The following GALNT13 variants were observed in gnomAD, a reference collection of about 807,000 sequenced individuals.
GALNT13 encodes UDP-GalNAc:polypeptide N-acetylgalactosaminyltransferase 13.
In GALNT13, 28 loss-of-function variants were observed where a neutral mutation model predicts 64.2. The observed-to-expected ratio is 0.44, with a 90% CI of 0.32 to 0.60. The LOEUF (loss-of-function observed/expected upper bound fraction) is 0.60, where lower values mean the gene tolerates loss of function less well. Among genes scored for constraint, GALNT13 ranks in the 20% least tolerant of loss-of-function variants. The pLI is 0.05. For missense variants in GALNT13, 577 were observed against 669.8 expected (o/e 0.86, Z 1.53); for synonymous variants, 214 against 224.6 (o/e 0.95, Z 0.42).
the GALNT13 span, among the ~76,000 whole-genome samples, chr2:153,557,544 C>G: frequency 6.6e-6 from 1 of 152,168 alleles, no homozygotes; most frequent in Non-Finnish European, 1.5e-5. Flanking sequence ...TTACCAACAT[C>G]GTTTCATTTA....
At chr2:153,728,861 T>A in the GALNT13 span, among the ~76,000 whole-genome samples, 1 of 152,114 alleles carries the variant, frequency 6.6e-6, no homozygotes, top group South Asian at 2.1e-4. Flanking sequence ...TATAAACACC[T>A]CTATGCAAGT....
chr2:154,145,048 TTCTC>T (rs3075862), intron 4 of GALNT13, among the ~76,000 whole-genome samples: 1,191 of 106,638 alleles, frequency 0.011, 13 homozygotes, highest in African/African-American at 0.029. Context: ...ATTTATGTAG[TTCTC>T]TCTCTCTCTC....
At chr2:153,342,492 C>T in the GALNT13 span, among the ~76,000 whole-genome samples, 1 of 152,162 alleles carries the variant, frequency 6.6e-6, no homozygotes, top group Admixed American at 6.5e-5. Flanking sequence ...AATCAAAGTG[C>T]TAGCTATTAA....
the GALNT13 span, among the ~76,000 whole-genome samples, chr2:153,453,092 C>A: frequency 6.6e-6 from 1 of 152,134 alleles, no homozygotes; most frequent in Non-Finnish European, 1.5e-5. Context: ...TAGACCACTA[C>A]CTCTCACCAT....
chr2:153,489,315 T>C, the GALNT13 span, among the ~76,000 whole-genome samples: 1 of 152,206 alleles, frequency 6.6e-6, no homozygotes, highest in Non-Finnish European at 1.5e-5. Context: ...TAAGCATGCT[T>C]TCTTTTTTAA....
intron 9 of GALNT13, among the ~76,000 whole-genome samples, chr2:154,334,495 T>C (rs1220791504): frequency 6.6e-6 from 1 of 152,038 alleles, no homozygotes; most frequent in Admixed American, 6.6e-5. Flanking sequence ...ATAGCTGATG[T>C]GGGTTTTTAG....
At chr2:153,931,736 C>G (rs925944578) in intron 2 of GALNT13, among the ~76,000 whole-genome samples, 21 of 152,092 alleles carry the variant, frequency 1.4e-4, no homozygotes, top group African/African-American at 4.8e-4. Context: ...CAATGTGCTG[C>G]TGGATTCAGT....
chr2:153,678,438 A>C, the GALNT13 span, among the ~76,000 whole-genome samples: 1 of 152,080 alleles, frequency 6.6e-6, no homozygotes, highest in African/African-American at 2.4e-5. Flanking sequence ...CAGAAAACCA[A>C]ATACTGCATA....
At chr2:153,876,617 A>G (rs774185154) in intron 1 of GALNT13, among the ~76,000 whole-genome samples, 22 of 152,102 alleles carry the variant, frequency 1.4e-4, no homozygotes, top group Non-Finnish European at 2.9e-4. Context: ...CTGTGTTTTC[A>G]GTGTAGTGTA....
intron 8 of GALNT13, among the ~76,000 whole-genome samples, chr2:154,288,838 G>T (rs1574024632): frequency 6.6e-6 from 1 of 152,326 alleles, no homozygotes; most frequent in East Asian, 1.9e-4. Flanking sequence ...GGCACGGAGT[G>T]CCTTTGGCTT....
At chr2:153,274,076 G>T in the GALNT13 span, among the ~76,000 whole-genome samples, 2 of 152,094 alleles carry the variant, frequency 1.3e-5, no homozygotes, top group African/African-American at 2.4e-5. Context: ...TTGGTGGCAG[G>T]TGCCTAATCC....
At chr2:154,422,860 AT>A (rs1301910957) in intron 11 of GALNT13, among the ~76,000 whole-genome samples, 1 of 151,810 alleles carries the variant, frequency 6.6e-6, no homozygotes, top group Non-Finnish European at 1.5e-5. Context: ...AAGAGACCTG[AT>A]TTTTTTTCTT....
chr2:153,791,744 T>C, the GALNT13 span, among the ~76,000 whole-genome samples: 11 of 152,142 alleles, frequency 7.2e-5, no homozygotes, highest in African/African-American at 2.7e-4. Context: ...TATGCAGCCA[T>C]AAAAAAGAAC....
Position 153,921,008 on chromosome 2 carries a change from G to A in GALNT13, c.-105+20001G>A, listed in dbSNP as rs545668222. On this transcript the variant is annotated intron_variant, in intron 2 of 12. Coordinates refer to ENST00000392825, the MANE Select transcript of GALNT13 (RefSeq NM_052917.4). ...TGGAAGGTTGTGGAGAAAAGGGAAC[G>A]CTTATACATTGCTGATGAGCATGTA... 1.4e-4 allele frequency among the ~76,000 whole-genome samples: 21 copies of A among 152,272 alleles called. No individual in the cohort carries two copies. In the South Asian group the frequency reaches 2.1e-3, roughly 15 times the overall value.
the GALNT13 span, among the ~76,000 whole-genome samples, chr2:153,809,989 G>A: frequency 7.2e-5 from 11 of 152,022 alleles, no homozygotes; most frequent in African/African-American, 2.7e-4. Context: ...TTGAGACAGA[G>A]TTGCTCTGTC....
chr2:154,052,987 C>T (rs1028680921), intron 3 of GALNT13, among the ~76,000 whole-genome samples: 2 of 151,924 alleles, frequency 1.3e-5, no homozygotes, highest in Non-Finnish European at 2.9e-5. Flanking sequence ...TCCACGAGGC[C>T]GCCTCGGTCT....
At chr2:153,326,930 G>A in the GALNT13 span, among the ~76,000 whole-genome samples, 3 of 151,794 alleles carry the variant, frequency 2.0e-5, no homozygotes, top group Middle Eastern at 3.4e-3. Context: ...CTAAAAATAC[G>A]AAAATTAGCT....
the GALNT13 span, among the ~76,000 whole-genome samples, chr2:153,404,509 A>G: frequency 1.4e-5 from 2 of 143,710 alleles, no homozygotes; most frequent in Non-Finnish European, 3.0e-5. Flanking sequence ...GATTTTTTTC[A>G]AAAGATTTTT....
the GALNT13 span, among the ~76,000 whole-genome samples, chr2:153,413,906 A>AC: frequency 6.6e-6 from 1 of 152,218 alleles, no homozygotes; most frequent in African/African-American, 2.4e-5. Flanking sequence ...TTCAGAATGT[A>AC]TAAAAGTATA....
Sources: gnomAD v4.1 joint callset for allele counts (sites outside exome capture counted in the v4.1 genomes callset) on GRCh38, gnomAD v4.1.1 for gene constraint, MANE v1.5 for transcripts, NCBI Gene and HGNC (gene_info 2026-07-23, HGNC 2026-07-21) for gene names.